The following HTR1E variants were observed in gnomAD, a reference collection of about 807,000 sequenced individuals.
HTR1E encodes the protein 5-hydroxytryptamine receptor 1E.
In HTR1E, 3 loss-of-function variants were observed where a neutral mutation model predicts 3.4. That is an observed-to-expected ratio of 0.89 (90% CI 0.41 to 2.31). The LOEUF (loss-of-function observed/expected upper bound fraction) is 2.31. Among genes scored for constraint, HTR1E ranks in the 30% most tolerant of loss-of-function variants. HTR1E has a pLI of 0.05. For missense variants in HTR1E, 392 were observed against 467.0 expected, an observed-to-expected ratio of 0.84 and a Z score of 1.48; for synonymous variants, 170 against 182.8, an observed-to-expected ratio of 0.93 and a Z score of 0.56.
At chr6:86,947,165 C>T (rs1768628603) in intron 1 of HTR1E, among the ~76,000 whole-genome samples, 1 of 151,972 alleles carries the variant, frequency 6.6e-6, no homozygotes, top group African/African-American at 2.4e-5. Flanking sequence ...TGGAATTGTA[C>T]AATGCTTATG....
intron 1 of HTR1E, among the ~76,000 whole-genome samples, chr6:86,995,174 G>A (rs754376243): frequency 8.6e-5 from 13 of 151,926 alleles, no homozygotes; most frequent in Non-Finnish European, 1.3e-4. Flanking sequence ...ATACCGACCC[G>A]GAGCCGTGGC....
intron 1 of HTR1E, among the ~76,000 whole-genome samples, chr6:86,987,297 A>C (rs1486508182): frequency 6.6e-6 from 1 of 152,146 alleles, no homozygotes; most frequent in African/African-American, 2.4e-5. Flanking sequence ...TTTTTACTAT[A>C]CTGTATATAA....
chr6:86,998,259 T>C (rs891557227), intron 1 of HTR1E, among the ~76,000 whole-genome samples: 3 of 152,030 alleles, frequency 2.0e-5, no homozygotes, highest in Non-Finnish European at 4.4e-5. Context: ...GAACATTGTG[T>C]GGAACAATCA....
At chr6:86,985,381 CTTATGA>C in intron 1 of HTR1E, among the ~76,000 whole-genome samples, 1 of 152,154 alleles carries the variant, frequency 6.6e-6, no homozygotes, top group Non-Finnish European at 1.5e-5. Context: ...TTTCTTTATA[CTTATGA>C]TTAACATTTT....
intron 1 of HTR1E, among the ~76,000 whole-genome samples, chr6:86,955,743 T>C (rs1000470941): frequency 2.0e-5 from 3 of 151,982 alleles, no homozygotes; most frequent in East Asian, 3.9e-4. Context: ...TGTGTGTGTG[T>C]GTATGTATGT....
chr6:87,003,105 T>A (rs897601952), intron 1 of HTR1E, among the ~76,000 whole-genome samples: 11 of 152,252 alleles, frequency 7.2e-5, no homozygotes, highest in African/African-American at 2.6e-4. Flanking sequence ...TTCAAAAAAA[T>A]TGAAATGATA....
chr6:87,012,058 G>T (rs906653952), intron 1 of HTR1E, among the ~76,000 whole-genome samples: 2 of 152,172 alleles, frequency 1.3e-5, no homozygotes, highest in Non-Finnish European at 2.9e-5. Flanking sequence ...TAGGCATGGG[G>T]TTCCCAACCT....
At chr6:86,972,483 T>G (rs1767574216) in intron 1 of HTR1E, among the ~76,000 whole-genome samples, 1 of 152,314 alleles carries the variant, frequency 6.6e-6, no homozygotes, top group South Asian at 2.1e-4. Context: ...GTTTTCCAAG[T>G]TGTATGAAAA....
At position 87,015,190 on chromosome 6, in the gene HTR1E, C is replaced by T; in HGVS notation, c.-145C>T. On this transcript the variant is annotated 5_prime_UTR_variant, in exon 2 of 2. Coordinates refer to ENST00000305344, the MANE Select transcript of HTR1E (RefSeq NM_000865.3). ...AGAAATGCTGTGGCCCTTCCCTTTA[C>T]CAACAGAAAATGGAACACAAGAGAC... 1.9e-6 allele frequency: 1 copy of T among 526,536 alleles called. No individual in the cohort carries two copies. The highest frequency in any genetic ancestry group is 4.1e-5 in the Admixed American group (1 of 24,416). 32.6% of individuals were successfully genotyped at this position (526,536 alleles called of 1,614,324 possible). A position where few individuals can be genotyped will look rare whatever the true frequency, so the allele number is the denominator to read the frequency against.
chr6:86,979,242 T>C (rs574722923), intron 1 of HTR1E, among the ~76,000 whole-genome samples: 2 of 152,338 alleles, frequency 1.3e-5, no homozygotes, highest in African/African-American at 4.8e-5. Context: ...GCTTTTCCCA[T>C]GAAGAAAATA....
At chr6:86,964,220 C>T (rs558314281) in intron 1 of HTR1E, among the ~76,000 whole-genome samples, 1 of 152,194 alleles carries the variant, frequency 6.6e-6, no homozygotes, top group East Asian at 1.9e-4. Flanking sequence ...AAAAAATATG[C>T]GTTGGAATCG....
At chr6:86,985,743 G>A (rs1767776020) in intron 1 of HTR1E, among the ~76,000 whole-genome samples, 1 of 152,168 alleles carries the variant, frequency 6.6e-6, no homozygotes, top group Admixed American at 6.5e-5. Flanking sequence ...TCAAGGGCAA[G>A]GACCATGGCC....
At chr6:87,007,565 T>C (rs757327540) in intron 1 of HTR1E, among the ~76,000 whole-genome samples, 60 of 152,320 alleles carry the variant, frequency 3.9e-4, no homozygotes, top group Admixed American at 7.8e-4. Flanking sequence ...GTTGTATGCC[T>C]GTATCAAAAT....
chr6:87,004,769 A>C (rs964963775), intron 1 of HTR1E, among the ~76,000 whole-genome samples: 2 of 152,148 alleles, frequency 1.3e-5, no homozygotes, highest in African/African-American at 4.8e-5. Flanking sequence ...AAAGAAAGAA[A>C]GGGCACTCAA....
rs1454263637 is a variant in HTR1E, at chr6:87,015,565, C to T, written c.231C>T (p.Pro77=). 1.2e-6 allele frequency: 2 copies of T among 1,613,300 alleles called. No homozygotes were observed. The highest frequency in any genetic ancestry group is 2.2e-5 in the East Asian group (1 of 44,878). The change falls in exon 2 of 2, where the codon CCC becomes CCT. Residue 77 remains proline, a synonymous_variant. Transcript: ENST00000305344. ...TDLLVAVLVM[P]LSIIYIVMDR... is the part of the protein sequence containing the mutation. ...TCCTGGTGGCAGTGCTCGTCATGCC[C>T]CTGAGCATCATCTACATTGTCATGG...
chr6:86,946,923 C>T (rs534010728), intron 1 of HTR1E, among the ~76,000 whole-genome samples: 5 of 152,138 alleles, frequency 3.3e-5, no homozygotes, highest in Non-Finnish European at 7.3e-5. Flanking sequence ...TTGAGACCAG[C>T]CTGACCAACA....
intron 1 of HTR1E, among the ~76,000 whole-genome samples, chr6:86,962,665 C>A (rs572410374): frequency 6.6e-6 from 1 of 152,126 alleles, no homozygotes; most frequent in Non-Finnish European, 1.5e-5. Flanking sequence ...TGGTGAAATC[C>A]TGTCCCTACT....
intron 1 of HTR1E, among the ~76,000 whole-genome samples, chr6:86,992,906 T>A (rs989714910): frequency 2.8e-4 from 42 of 152,194 alleles, no homozygotes; most frequent in Non-Finnish European, 4.9e-4. Flanking sequence ...CTCACTCATA[T>A]CACCATTCAA....
In HTR1E at chr6:86,957,725, A is replaced by G. The variant is rs113905728; in HGVS notation, c.-186+19902A>G. Among the ~76,000 whole-genome samples the G allele has an allele frequency of 1.8e-3, 278 of 152,366 alleles. 2 individuals carry two copies. Among genetic ancestry groups the G allele is most frequent in the Middle Eastern group, 0.01 (3 of 294 alleles). On this transcript the variant is annotated intron_variant, in intron 1 of 1. Transcript: ENST00000305344. ...AAATTATTTTCCCATTGAGGAAAAGAAAGATTTTTATGCATTTGCATGAAA... is the reference window on the plus strand; with the variant it reads ...AAATTATTTTCCCATTGAGGAAAAGGAAGATTTTTATGCATTTGCATGAAA...
Sources: gnomAD v4.1 joint callset for allele counts (sites outside exome capture counted in the v4.1 genomes callset) on GRCh38, gnomAD v4.1.1 for gene constraint, MANE v1.5 for transcripts, NCBI Gene and HGNC (gene_info 2026-07-23, HGNC 2026-07-21) for gene names.